NLGN1: variants seen among roughly 807,000 people sequenced by gnomAD.
NLGN1 encodes the protein neuroligin 1.
NLGN1 carries 12 observed loss-of-function variants against 65.5 expected under a neutral mutation model. That is an observed-to-expected ratio of 0.18 (90% confidence interval 0.12 to 0.30). The LOEUF is 0.30. Ranked by LOEUF, NLGN1 falls within the 10% of genes least tolerant of loss-of-function variation. NLGN1 has a pLI of 1.00. For missense variants in NLGN1, 750 were observed against 1,007.1 expected, an observed-to-expected ratio of 0.74 and a Z score of 3.46; for synonymous variants, 350 against 359.5, an observed-to-expected ratio of 0.97 and a Z score of 0.30.
chr3:173,972,457 T>C (rs993983329), intron 4 of NLGN1, among the ~76,000 whole-genome samples: 2 of 152,138 alleles, frequency 1.3e-5, no homozygotes, highest in Non-Finnish European at 2.9e-5. Flanking sequence ...ATCACACTTA[T>C]TTGGCATTCT....
chr3:174,105,052 G>A (rs1713412515), intron 4 of NLGN1, among the ~76,000 whole-genome samples: 1 of 152,078 alleles, frequency 6.6e-6, no homozygotes, highest in Non-Finnish European at 1.5e-5. Flanking sequence ...TCGTCACAGA[G>A]TTCAGTGAGG....
chr3:173,481,751 A>C (rs1321244870), intron 2 of NLGN1, among the ~76,000 whole-genome samples: 4 of 151,852 alleles, frequency 2.6e-5, no homozygotes, highest in African/African-American at 9.7e-5. Context: ...GGCTTTTTAA[A>C]AAACAAACAA....
At chr3:174,060,140 G>T (rs1737076172) in intron 4 of NLGN1, among the ~76,000 whole-genome samples, 1 of 152,028 alleles carries the variant, frequency 6.6e-6, no homozygotes, top group African/African-American at 2.4e-5. Flanking sequence ...TTATTTTATG[G>T]TTATATTTCA....
At chr3:173,577,199 C>T (rs1745633300) in intron 2 of NLGN1, among the ~76,000 whole-genome samples, 1 of 152,118 alleles carries the variant, frequency 6.6e-6, no homozygotes, top group Non-Finnish European at 1.5e-5. Context: ...TCTAGCTTCA[C>T]CAGACTTATG....
In NLGN1 at chr3:174,135,590, G is replaced by T. The variant is rs80335878; in HGVS notation, c.647-139725G>T. Among the ~76,000 whole-genome samples the T allele has an allele frequency of 2.5e-4, 38 of 152,184 alleles. No individual in the cohort carries two copies. The East Asian group carries it at 7.3e-3, about 29-fold the overall frequency. On this transcript the variant is annotated intron_variant, in intron 4 of 6. Transcript: ENST00000457714. Reference sequence around the variant, plus strand: ...GTGCTAACAGTTTTGACTTTTAAAAGAATATTTGGTTATTTCCAGATCTTC... The same window carrying T: ...GTGCTAACAGTTTTGACTTTTAAAATAATATTTGGTTATTTCCAGATCTTC...
At chr3:173,810,146 A>G (rs1398994108) in intron 4 of NLGN1, among the ~76,000 whole-genome samples, 2 of 152,192 alleles carry the variant, frequency 1.3e-5, no homozygotes, top group Non-Finnish European at 2.9e-5. Flanking sequence ...TGTGTTGGGT[A>G]TTGTGAAAAT....
At position 174,231,992 on chromosome 3, in the gene NLGN1, C is replaced by T. The variant is rs1022994095; in HGVS notation, c.647-43323C>T. ...AGGACTGTACATGCAAAGCAGCCCC[C>T]GGAATAATGAAGGAGCCAAGAAACT... On this transcript the variant is annotated intron_variant, in intron 4 of 6. Transcript: ENST00000457714. Among the ~76,000 whole-genome samples the T allele has an allele frequency of 3.3e-5, 5 of 152,250 alleles. No individual in the cohort carries two copies. The Middle Eastern group carries it at 0.01, about 311-fold the overall frequency.
intron 4 of NLGN1, among the ~76,000 whole-genome samples, chr3:173,831,232 T>A (rs1212879848): frequency 6.6e-6 from 1 of 151,952 alleles, no homozygotes; most frequent in Non-Finnish European, 1.5e-5. Flanking sequence ...CCCTCATAGC[T>A]ATCCTGAAAA....
intron 2 of NLGN1, among the ~76,000 whole-genome samples, chr3:173,498,206 C>T (rs1203001823): frequency 1.3e-5 from 2 of 151,184 alleles, no homozygotes; most frequent in Non-Finnish European, 1.5e-5. Context: ...CCTCCCCACT[C>T]CCCCCACCCC....
At chr3:174,287,503 G>T (rs1752263293), downstream of NLGN1, among the ~76,000 whole-genome samples, 1 of 151,452 alleles carries the variant, frequency 6.6e-6, no homozygotes, top group South Asian at 2.1e-4. Context: ...TGTTTGATAT[G>T]ATTACTTTTT....
intron 4 of NLGN1, among the ~76,000 whole-genome samples, chr3:173,903,394 C>T (rs565554453): frequency 7.8e-4 from 119 of 152,128 alleles, no homozygotes; most frequent in African/African-American, 2.8e-3. Context: ...AGCCTTTTAC[C>T]TTTAGTCATA....
Position 174,127,063 on chromosome 3 carries a change from A to G in NLGN1, c.647-148252A>G, listed in dbSNP as rs138726654. On this transcript the variant is annotated intron_variant, in intron 4 of 6. Transcript: ENST00000457714. ...AATGTCATGGGGATAATATGATTTTATAGGTTATGTTTGACACCAAAAGAA... is the reference window on the plus strand; with the variant it reads ...AATGTCATGGGGATAATATGATTTTGTAGGTTATGTTTGACACCAAAAGAA... 7.1e-3 allele frequency among the ~76,000 whole-genome samples: 1,085 copies of G among 152,232 alleles called. 9 individuals carry two copies. The highest frequency in any genetic ancestry group is 0.011 in the Admixed American group (168 of 15,276).
chr3:173,777,650 TATCTATCTATC>T (rs1780515500), intron 3 of NLGN1, among the ~76,000 whole-genome samples: 2 of 147,398 alleles, frequency 1.4e-5, no homozygotes, highest in Admixed American at 1.3e-4. Flanking sequence ...TCTATCTATC[TATCTATCTATC>T]TATCTATCTA....
chr3:174,175,873 C>T (rs1321924643), intron 4 of NLGN1, among the ~76,000 whole-genome samples: 1 of 151,898 alleles, frequency 6.6e-6, no homozygotes, highest in Non-Finnish European at 1.5e-5. Flanking sequence ...AATAACTCTT[C>T]CAGGCTCATT....
At chr3:174,190,547 T>C (rs1015392905) in intron 4 of NLGN1, among the ~76,000 whole-genome samples, 2 of 152,034 alleles carry the variant, frequency 1.3e-5, no homozygotes, top group Non-Finnish European at 2.9e-5. Flanking sequence ...AATCACTTTA[T>C]TCAAAAATTA....
chr3:173,735,706 G>A (rs1773630571), intron 3 of NLGN1, among the ~76,000 whole-genome samples: 1 of 151,998 alleles, frequency 6.6e-6, no homozygotes, highest in Non-Finnish European at 1.5e-5. Context: ...TTCACAGGAG[G>A]CTGTGTAATA....
chr3:173,695,125 A>G (rs1315116853), intron 3 of NLGN1, among the ~76,000 whole-genome samples: 1 of 152,178 alleles, frequency 6.6e-6, no homozygotes, highest in African/African-American at 2.4e-5. Flanking sequence ...AAAATCCCAT[A>G]TTTTATGGCC....
At chr3:174,194,935 C>T (rs1733137582) in intron 4 of NLGN1, among the ~76,000 whole-genome samples, 1 of 146,670 alleles carries the variant, frequency 6.8e-6, no homozygotes, top group East Asian at 2.0e-4. Flanking sequence ...GATCTTGGCT[C>T]ACCACAACCT....
At chr3:174,101,828 T>G (rs896052030) in intron 4 of NLGN1, among the ~76,000 whole-genome samples, 1 of 152,144 alleles carries the variant, frequency 6.6e-6, no homozygotes, top group Non-Finnish European at 1.5e-5. Flanking sequence ...AGAAAGGTAC[T>G]TTTAATGTAA....
Sources: gnomAD v4.1 joint callset for allele counts (sites outside exome capture counted in the v4.1 genomes callset) on GRCh38, gnomAD v4.1.1 for gene constraint, MANE v1.5 for transcripts, NCBI Gene and HGNC (gene_info 2026-07-23, HGNC 2026-07-21) for gene names.